The following SPATS2 variants were observed in gnomAD, a reference collection of about 807,000 sequenced individuals.
SPATS2 encodes the protein spermatogenesis associated serine rich 2, also known as spermatogenesis-associated serine-rich protein 2.
Under a neutral mutation model 63.7 loss-of-function variants are expected in SPATS2, and 38 were observed. The ratio of observed to expected loss-of-function variants is 0.60; its 90% confidence interval spans 0.46 to 0.78. The LOEUF is 0.78. SPATS2 is among the 30% of genes least tolerant of loss of function. The pLI is 0.00. For synonymous variants in SPATS2, 207 were observed against 232.9 expected (o/e 0.89, Z 1.01); for missense variants, 588 against 666.2 (o/e 0.88, Z 1.29).
intron 2 of SPATS2, among the ~76,000 whole-genome samples, chr12:49,424,922 C>A (rs1235625540): frequency 2.0e-5 from 3 of 152,150 alleles, no homozygotes; most frequent in African/African-American, 7.2e-5. Flanking sequence ...TCGGATGATC[C>A]ACTCCCGCTT....
At chr12:49,463,029 C>T (rs1945848975) in intron 3 of SPATS2, 1 of 152,426 alleles carries the variant, frequency 6.6e-6, no homozygotes, top group Non-Finnish European at 1.5e-5. Flanking sequence ...TAGAATTTCT[C>T]TGCCTCCTGT....
chr12:49,490,760 T>C, intron 6 of SPATS2, 29 bp downstream of exon 6: 1 of 1,604,446 alleles, frequency 6.2e-7, no homozygotes, highest in Non-Finnish European at 8.5e-7. Context: ...AAAAGCATGA[T>C]GATGTGTATA....
At chr12:49,434,726 G>C (rs1340995941) in intron 2 of SPATS2, among the ~76,000 whole-genome samples, 1 of 152,122 alleles carries the variant, frequency 6.6e-6, no homozygotes. Context: ...TTTAGAGCAA[G>C]GCTAACTTGA....
chr12:49,515,076 T>G (rs971408477), intron 10 of SPATS2, among the ~76,000 whole-genome samples: 1 of 152,212 alleles, frequency 6.6e-6, no homozygotes, highest in Admixed American at 6.5e-5. Context: ...ACTCAGTGTC[T>G]GTTATCAATG....
intron 12 of SPATS2, 68 bp from the exon 13 acceptor site, chr12:49,524,614 A>G (rs1649349209): frequency 6.7e-7 from 1 of 1,501,684 alleles, no homozygotes; most frequent in Non-Finnish European, 9.2e-7. Flanking sequence ...TGAAATTGAG[A>G]AAGTAGAAAC....
intron 2 of SPATS2, among the ~76,000 whole-genome samples, chr12:49,422,337 C>T (rs890449633): frequency 6.6e-6 from 1 of 152,164 alleles, no homozygotes; most frequent in African/African-American, 2.4e-5. Flanking sequence ...ATGGATGTTA[C>T]AGTGGCTGGC....
intron 2 of SPATS2, among the ~76,000 whole-genome samples, chr12:49,400,009 C>T: frequency 6.6e-6 from 1 of 152,156 alleles, no homozygotes; most frequent in Non-Finnish European, 1.5e-5. Flanking sequence ...GCACTCCAGC[C>T]TGGGCGACAG....
intron 9 of SPATS2, among the ~76,000 whole-genome samples, chr12:49,500,784 GA>G (rs917242854): frequency 1.2e-4 from 18 of 144,692 alleles, no homozygotes; most frequent in South Asian, 2.2e-4. Flanking sequence ...AAAAAGAAAA[GA>G]AAAAAAAAAG....
chr12:49,390,304 A>C, intron 2 of SPATS2: 1 of 434,878 alleles, frequency 2.3e-6, no homozygotes, highest in Non-Finnish European at 4.1e-6. Flanking sequence ...AGCAACAAAA[A>C]CGCATAGTTA....
At chr12:49,483,443 A>G (rs915420675) in intron 3 of SPATS2, among the ~76,000 whole-genome samples, 2 of 152,122 alleles carry the variant, frequency 1.3e-5, no homozygotes, top group South Asian at 4.1e-4. Flanking sequence ...GATAATTGGG[A>G]GTTAACCATA....
chr12:49,374,960 A>G (rs1270190805), intron 2 of SPATS2, among the ~76,000 whole-genome samples: 1 of 143,534 alleles, frequency 7.0e-6, no homozygotes, highest in East Asian at 2.1e-4. Flanking sequence ...ATCTGTCTCA[A>G]AAAAAAAAAA....
chr12:49,367,205 G>C (rs1943911706), upstream of SPATS2: 1 of 198,382 alleles, frequency 5.0e-6, no homozygotes, highest in African/African-American at 2.3e-5. Context: ...TCGCGCACCC[G>C]TTGGCTGCCA....
At chr12:49,504,770 CTTTTTT>C (rs745453843) in intron 9 of SPATS2, among the ~76,000 whole-genome samples, 2 of 98,856 alleles carry the variant, frequency 2.0e-5, no homozygotes, top group Admixed American at 1.1e-4. Context: ...TTCTTTCTTT[CTTTTTT>C]TTTTTTTTTT....
intron 2 of SPATS2, among the ~76,000 whole-genome samples, chr12:49,420,468 C>T (rs768156534): frequency 1.3e-5 from 2 of 151,652 alleles, no homozygotes; most frequent in Non-Finnish European, 3.0e-5. Context: ...GTGGCATGCA[C>T]CTGTAGTCTC....
chr12:49,493,372 T>C, intron 6 of SPATS2, among the ~76,000 whole-genome samples: 1 of 151,814 alleles, frequency 6.6e-6, no homozygotes, highest in Middle Eastern at 3.2e-3. Flanking sequence ...AATTCAAAAG[T>C]ACAAGAGTTA....
chr12:49,437,192 C>T (rs1322705825), intron 2 of SPATS2, among the ~76,000 whole-genome samples: 2 of 148,378 alleles, frequency 1.3e-5, no homozygotes, highest in African/African-American at 5.0e-5. Flanking sequence ...ACTTCTCAGA[C>T]GGGGCGGCCG....
At chr12:49,516,474 G>A (rs1173138807) in intron 10 of SPATS2, among the ~76,000 whole-genome samples, 6 of 151,800 alleles carry the variant, frequency 4.0e-5, no homozygotes, top group African/African-American at 7.2e-5. Context: ...CTGGGAGGCC[G>A]AGGCGGGCTG....
chr12:49,504,773 T>TC (rs1555192179), intron 9 of SPATS2, among the ~76,000 whole-genome samples: 2,840 of 140,668 alleles, frequency 0.02, 87 homozygotes, highest in African/African-American at 0.074. Flanking sequence ...TTTCTTTCTT[T>TC]TTTTTTTTTT....
chr12:49,459,742 C>A (rs1355922984), intron 2 of SPATS2, among the ~76,000 whole-genome samples: 1 of 5,158 alleles, frequency 1.9e-4, no homozygotes, highest in Non-Finnish European at 6.7e-4. Flanking sequence ...ATTTCACGTC[C>A]CCCCCCCCCC....
Sources: allele counts gnomAD v4.1 joint callset (sites outside exome capture counted in the v4.1 genomes callset), GRCh38; gene constraint gnomAD v4.1.1; transcripts MANE v1.5; gene names NCBI Gene and HGNC (gene_info 2026-07-23, HGNC 2026-07-21).